The following UNC5C variants were observed in gnomAD, a reference collection of about 807,000 sequenced individuals.
UNC5C encodes the protein unc-5 netrin receptor C.
In UNC5C, 47 loss-of-function variants were observed where a neutral mutation model predicts 99.8. That is an observed-to-expected ratio of 0.47 (90% CI 0.37 to 0.60). The LOEUF (loss-of-function observed/expected upper bound fraction) is 0.60. UNC5C is among the 20% of genes least tolerant of loss of function. The pLI is 0.00. For synonymous variants in UNC5C, 487 were observed against 452.2 expected (o/e 1.08, Z -0.98); for missense variants, 1,062 against 1,165.9 (o/e 0.91, Z 1.30).
intron 11 of UNC5C, 141 bp from the exon 12 acceptor site, chr4:95,203,105 T>C (rs1204297048): frequency 4.4e-6 from 3 of 676,574 alleles, no homozygotes; most frequent in East Asian, 2.7e-5. Flanking sequence ...ATCTGTCTAC[T>C]TGAGTTCATC....
chr4:95,433,776 T>G (rs1217077757), intron 1 of UNC5C, among the ~76,000 whole-genome samples: 3 of 152,074 alleles, frequency 2.0e-5, no homozygotes, highest in Non-Finnish European at 4.4e-5. Flanking sequence ...TCAGTTAAAA[T>G]CCAAACCTTC....
At chr4:95,505,687 G>A (rs563511766) in intron 1 of UNC5C, among the ~76,000 whole-genome samples, 1 of 152,152 alleles carries the variant, frequency 6.6e-6, no homozygotes, top group South Asian at 2.1e-4. Context: ...CTCTCCATAA[G>A]AATTTATCAC....
rs562040251 is a variant in UNC5C at position 95,415,619 on chromosome 4, G to GT, written c.125-79989dup. 2.6e-4 allele frequency among the ~76,000 whole-genome samples: 40 copies of GT among 152,162 alleles called. No homozygotes were observed. In the South Asian group the frequency reaches 7.9e-3, roughly 30 times the overall value. On this transcript the variant is annotated intron_variant, in intron 1 of 15. Coordinates refer to ENST00000453304, the MANE Select transcript of UNC5C (RefSeq NM_003728.4). ...TCATAAGGTCAACTGTCTGGTTTTC[G>GT]TAAGTTTGATGACTCATTTTTGTAA...
At chr4:95,194,127 T>A (rs1195474546) in intron 12 of UNC5C, among the ~76,000 whole-genome samples, 6 of 152,120 alleles carry the variant, frequency 3.9e-5, no homozygotes, top group African/African-American at 9.7e-5. Flanking sequence ...GCCTGCACAG[T>A]CAGGGCAGTT....
chr4:95,394,651 C>CTGTGTGTGTGTGTG (rs10527279), intron 1 of UNC5C, among the ~76,000 whole-genome samples: 4,541 of 147,686 alleles, frequency 0.031, 109 homozygotes, highest in South Asian at 0.054. Context: ...AAGGTATTTG[C>CTGTGTGTGTGTGTG]TGTGTGTGTG....
At chr4:95,308,657 G>A (rs1742147585) in intron 2 of UNC5C, among the ~76,000 whole-genome samples, 2 of 147,456 alleles carry the variant, frequency 1.4e-5, no homozygotes, top group African/African-American at 5.0e-5. Context: ...GGAGGCTGAG[G>A]CAGAGAATTG....
intron 10 of UNC5C, among the ~76,000 whole-genome samples, chr4:95,213,014 G>A (rs897343285): frequency 5.3e-5 from 8 of 152,132 alleles, no homozygotes; most frequent in African/African-American, 1.2e-4. Flanking sequence ...TCCCTCCACC[G>A]ATGCATTCCA....
intron 1 of UNC5C, among the ~76,000 whole-genome samples, chr4:95,535,620 G>A (rs149666248): frequency 3.3e-4 from 50 of 152,214 alleles, no homozygotes; most frequent in African/African-American, 1.2e-3. Context: ...TAACTTGTAT[G>A]CAATTTGCAA....
intron 7 of UNC5C, among the ~76,000 whole-genome samples, chr4:95,224,080 C>T (rs1169812091): frequency 6.6e-6 from 1 of 152,040 alleles, no homozygotes; most frequent in Non-Finnish European, 1.5e-5. Context: ...CTCATGAGTA[C>T]GAGACAATCT....
Position 95,314,348 on chromosome 4 carries a change from C to T in UNC5C, c.347-12599G>A, listed in dbSNP as rs1400670897. 3.3e-5 allele frequency among the ~76,000 whole-genome samples: 5 copies of T among 152,148 alleles called. No individual in the cohort carries two copies. The East Asian group carries it at 7.7e-4, about 24-fold the overall frequency. The stretch of plus-strand genomic sequence containing the variant: ...AGTTGCCTTTAAGTTTCTTCTCCTT[C>T]AGCCAAGCCACCTGGAATTTTACTA... On this transcript the variant is annotated intron_variant, in intron 2 of 15. Coordinates refer to ENST00000453304, the MANE Select transcript of UNC5C (RefSeq NM_003728.4).
At chr4:95,352,564 A>C (rs938826208) in intron 1 of UNC5C, among the ~76,000 whole-genome samples, 2 of 152,130 alleles carry the variant, frequency 1.3e-5, no homozygotes, top group Non-Finnish European at 2.9e-5. Context: ...ATGGGATCAG[A>C]AACTTTGTCC....
At chr4:95,206,125 C>T (rs1014543466) in intron 11 of UNC5C, among the ~76,000 whole-genome samples, 4 of 151,776 alleles carry the variant, frequency 2.6e-5, no homozygotes, top group East Asian at 1.9e-4. Context: ...CTCAGCCTCC[C>T]GAGTACCTGG....
chr4:95,472,292 T>C (rs1416292325), intron 1 of UNC5C, among the ~76,000 whole-genome samples: 1 of 152,140 alleles, frequency 6.6e-6, no homozygotes, highest in Non-Finnish European at 1.5e-5. Context: ...CACATTTCCA[T>C]CATGAGTTTT....
chr4:95,464,480 CTTTT>C (rs1209127095), intron 1 of UNC5C, among the ~76,000 whole-genome samples: 2 of 152,026 alleles, frequency 1.3e-5, no homozygotes, highest in African/African-American at 4.8e-5. Flanking sequence ...ATACGAAAGG[CTTTT>C]TTTAAGTCAG....
chr4:95,225,326 G>A (rs1738644493), intron 7 of UNC5C, among the ~76,000 whole-genome samples: 1 of 152,090 alleles, frequency 6.6e-6, no homozygotes, highest in East Asian at 1.9e-4. Flanking sequence ...CAAAATGCTG[G>A]GATTACAGGC....
chr4:95,357,411 C>T (rs917904549), intron 1 of UNC5C, among the ~76,000 whole-genome samples: 3 of 152,036 alleles, frequency 2.0e-5, no homozygotes, highest in African/African-American at 4.8e-5. Context: ...GCTGGGATTA[C>T]AGGCGTGCAC....
rs563068743 is a variant in UNC5C, at chr4:95,283,052, T to C, written c.491-4690A>G. ...TGGGGTATTGTTTTCTAAGTCCCAA[T>C]GGTATCTACTACTCTTTTCCAAAAT... is the stretch of plus-strand genomic sequence containing the variant. On this transcript the variant is annotated intron_variant, in intron 3 of 15. Transcript: ENST00000453304. Among the ~76,000 whole-genome samples, 20 of 152,302 alleles carry C rather than the reference T, an allele frequency of 1.3e-4. 1 individual carries two copies. The South Asian group carries it at 4.1e-3, about 32-fold the overall frequency.
chr4:95,365,662 T>C (rs941713811), intron 1 of UNC5C, among the ~76,000 whole-genome samples: 5 of 152,092 alleles, frequency 3.3e-5, no homozygotes, highest in African/African-American at 1.2e-4. Flanking sequence ...TTGATCTTTA[T>C]CTTTTCAAAT....
intron 1 of UNC5C, among the ~76,000 whole-genome samples, chr4:95,529,344 G>T (rs1722580012): frequency 6.8e-6 from 1 of 146,554 alleles, no homozygotes; most frequent in African/African-American, 2.5e-5. Flanking sequence ...ATGTATATAT[G>T]TGTATATATA....
Sources: gnomAD v4.1 joint callset for allele counts (sites outside exome capture counted in the v4.1 genomes callset) on GRCh38, gnomAD v4.1.1 for gene constraint, MANE v1.5 for transcripts, NCBI Gene and HGNC (gene_info 2026-07-23, HGNC 2026-07-21) for gene names.